PTCHD4: variants seen among roughly 807,000 people sequenced by gnomAD.
PTCHD4 encodes patched domain containing 4.
A neutral mutation model predicts 58.1 loss-of-function variants in PTCHD4; 33 were observed. That is an observed-to-expected ratio of 0.57 (90% confidence interval 0.43 to 0.76). The LOEUF (loss-of-function observed/expected upper bound fraction) is 0.76, where lower values mean the gene tolerates loss of function less well. Among genes scored for constraint, PTCHD4 ranks in the 30% least tolerant of loss-of-function variants. The pLI, the probability that PTCHD4 is intolerant of heterozygous loss-of-function variation, is 0.00. For missense variants in PTCHD4, 1,058 were observed against 1,027.1 expected, an observed-to-expected ratio of 1.03 and a Z score of -0.41; for synonymous variants, 478 against 409.6, an observed-to-expected ratio of 1.17 and a Z score of -2.02.
intron 3 of PTCHD4, among the ~76,000 whole-genome samples, chr6:48,012,784 G>C (rs762114254): frequency 5.3e-5 from 8 of 152,136 alleles, no homozygotes; most frequent in Non-Finnish European, 7.4e-5. Context: ...TAGCATGAAG[G>C]GGTGTTTAAT....
chr6:48,035,969 A>G lies in PTCHD4; in HGVS notation c.418-26855T>C, dbSNP rs1763618500. On this transcript the variant is annotated intron_variant, in intron 3 of 4. Coordinates refer to ENST00000339488, the MANE Select transcript of PTCHD4 (RefSeq NM_001384253.1). ...ATTGCAGTGCTCCCTGTACTTACTA[A>G]GATCACCCCCTGAATAAACCCTGCC... 3.3e-5 allele frequency among the ~76,000 whole-genome samples: 5 copies of G among 152,074 alleles called. No homozygotes were observed. In the South Asian group the frequency reaches 1.0e-3, roughly 32 times the overall value.
intron 3 of PTCHD4, among the ~76,000 whole-genome samples, chr6:48,017,402 G>A (rs1762904173): frequency 6.6e-6 from 1 of 152,116 alleles, no homozygotes; most frequent in South Asian, 2.1e-4. Flanking sequence ...ACATTAGTAA[G>A]CTAGAAAAAG....
chr6:48,079,261 T>G (rs1410980458), intron 1 of PTCHD4, among the ~76,000 whole-genome samples: 1 of 152,190 alleles, frequency 6.6e-6, no homozygotes, highest in Non-Finnish European at 1.5e-5. Context: ...AGTTTCTCAT[T>G]AATTACCTTG....
rs984563504 is a variant in PTCHD4, at chr6:47,879,922, C to T, written c.913G>A (p.Gly305Arg). The T allele has an allele frequency of 5.2e-6, 8 of 1,545,446 alleles. No homozygotes were observed. The highest frequency in any genetic ancestry group is 7.0e-6 in the Non-Finnish European group (8 of 1,146,748). ...CATCCGGACAGAAGCTCAAACACTCCTTTAGTTCCATGACCTAATGTTTTA... is the reference window on the plus strand; with the variant it reads ...CATCCGGACAGAAGCTCAAACACTCTTTTAGTTCCATGACCTAATGTTTTA... Reference protein sequence around the residue: ...PFFAMGHGTKGVFELLSGWRR... With the variant: ...PFFAMGHGTKRVFELLSGWRR... Residue 305 changes from glycine to arginine, a missense_variant, in exon 5 of 5, where the codon GGA becomes AGA. Physicochemically the swap from Gly to Arg is moderately radical, Grantham distance 125 (BLOSUM62 -2). Coordinates refer to ENST00000339488, the MANE Select transcript of PTCHD4 (RefSeq NM_001384253.1).
At chr6:48,070,768 C>T (rs189753567) in intron 1 of PTCHD4, among the ~76,000 whole-genome samples, 82 of 152,316 alleles carry the variant, frequency 5.4e-4, no homozygotes, top group African/African-American at 1.9e-3. Context: ...AGTGGAGTCA[C>T]TTTTGCATGC....
chr6:47,934,886 G>A (rs537007389), intron 4 of PTCHD4, among the ~76,000 whole-genome samples: 5 of 151,924 alleles, frequency 3.3e-5, no homozygotes, highest in African/African-American at 1.2e-4. Context: ...CAAACTTCTG[G>A]GACTTTGTAA....
At chr6:47,882,123 A>G (rs73736536) in intron 4 of PTCHD4, among the ~76,000 whole-genome samples, 1 of 152,128 alleles carries the variant, frequency 6.6e-6, no homozygotes. Flanking sequence ...CAATGTTAGA[A>G]TAAGGGTTAA....
chr6:47,921,593 C>A (rs1012558805), intron 4 of PTCHD4, among the ~76,000 whole-genome samples: 10 of 152,070 alleles, frequency 6.6e-5, no homozygotes, highest in Admixed American at 3.3e-4. Context: ...TGGGAAATTT[C>A]TTTAAGAGAC....
At chr6:47,907,661 T>A (rs80046738) in intron 4 of PTCHD4, among the ~76,000 whole-genome samples, 4,111 of 152,242 alleles carry the variant, frequency 0.027, 191 homozygotes, top group African/African-American at 0.094. Context: ...AGAAAATAGC[T>A]GGTCCAGCAG....
chr6:48,095,461 A>T (rs1582133807), intron 1 of PTCHD4, among the ~76,000 whole-genome samples: 3 of 152,134 alleles, frequency 2.0e-5, no homozygotes, highest in Admixed American at 1.3e-4. Flanking sequence ...AGGCGGGCGG[A>T]TCTTGAGGTC....
At chr6:48,066,099 C>CCTTTTTT (rs763897152) in intron 3 of PTCHD4, among the ~76,000 whole-genome samples, 1 of 131,262 alleles carries the variant, frequency 7.6e-6, no homozygotes, top group African/African-American at 3.0e-5. Context: ...CTGACATCTA[C>CCTTTTTT]TTTTTTTTTT....
chr6:47,932,731 C>T (rs1765867727), intron 4 of PTCHD4, among the ~76,000 whole-genome samples: 1 of 152,206 alleles, frequency 6.6e-6, no homozygotes, highest in South Asian at 2.1e-4. Flanking sequence ...CTGTGTGGTA[C>T]AGTGTGAGGG....
At chr6:48,094,110 T>C (rs1295242163) in intron 1 of PTCHD4, among the ~76,000 whole-genome samples, 1 of 152,114 alleles carries the variant, frequency 6.6e-6, no homozygotes, top group Non-Finnish European at 1.5e-5. Context: ...TCAAAGTGAT[T>C]CTAGAAAAAA....
At chr6:48,090,124 AATTT>A (rs1203962355) in intron 1 of PTCHD4, among the ~76,000 whole-genome samples, 2 of 152,170 alleles carry the variant, frequency 1.3e-5, no homozygotes, top group Non-Finnish European at 2.9e-5. Flanking sequence ...GTGTTATACA[AATTT>A]ATTATTGTCT....
chr6:47,897,974 T>C (rs1335406368), intron 4 of PTCHD4, among the ~76,000 whole-genome samples: 1 of 124,110 alleles, frequency 8.1e-6, no homozygotes, highest in Non-Finnish European at 1.6e-5. Flanking sequence ...TGAGACAGAG[T>C]CGCTTTGTTG....
At chr6:48,053,905 C>A (rs1764320721) in intron 3 of PTCHD4, among the ~76,000 whole-genome samples, 2 of 152,108 alleles carry the variant, frequency 1.3e-5, no homozygotes, top group Middle Eastern at 3.2e-3. Flanking sequence ...TCCTTTGAGA[C>A]CCCAAACTTG....
rs1451371715 is a variant in PTCHD4 at position 47,947,440 on chromosome 6, T to C, written c.898+61194A>G. On this transcript the variant is annotated intron_variant, in intron 4 of 4. Transcript: ENST00000339488. ...ACCTTCCTTTTGAGGTCATTTTTTT[T>C]CTTCTTGAATTACATTCATTAGCTC... is the stretch of plus-strand genomic sequence containing the variant. Among the ~76,000 whole-genome samples the C allele has an allele frequency of 2.6e-5, 4 of 152,232 alleles. No homozygotes were observed. In the South Asian group the frequency reaches 8.3e-4, roughly 32 times the overall value.
chr6:48,110,124 A>G (rs1351810990), intron 1 of PTCHD4, among the ~76,000 whole-genome samples: 1 of 152,196 alleles, frequency 6.6e-6, no homozygotes, highest in Admixed American at 6.5e-5. Context: ...CAAAAGGAAA[A>G]TGAAATCAGC....
At chr6:47,985,667 T>G (rs1581974579) in intron 4 of PTCHD4, among the ~76,000 whole-genome samples, 1 of 152,086 alleles carries the variant, frequency 6.6e-6, no homozygotes, top group African/African-American at 2.4e-5. Context: ...AGATAATTTT[T>G]TATTGCCATG....
Sources: gnomAD v4.1 joint callset for allele counts (sites outside exome capture counted in the v4.1 genomes callset) on GRCh38, gnomAD v4.1.1 for gene constraint, MANE v1.5 for transcripts, NCBI Gene and HGNC (gene_info 2026-07-23, HGNC 2026-07-21) for gene names.